HDAC4: variants seen among roughly 807,000 people sequenced by gnomAD.
HDAC4 encodes the protein histone deacetylase A.
HDAC4 carries 16 observed loss-of-function variants against 135.1 expected under a neutral mutation model. That is an observed-to-expected ratio of 0.12 (90% CI 0.08 to 0.18). The LOEUF is 0.18. Ranked by LOEUF, HDAC4 falls within the 10% of genes least tolerant of loss-of-function variation. The probability of loss-of-function intolerance (pLI) is 1.00; values close to 1 mark genes in which losing one functional copy is unlikely to be tolerated. For synonymous variants in HDAC4, 685 were observed against 653.4 expected, an observed-to-expected ratio of 1.05 and a Z score of -0.74; for missense variants, 1,143 against 1,511.8, an observed-to-expected ratio of 0.76 and a Z score of 4.05.
intron 4 of HDAC4, among the ~76,000 whole-genome samples, chr2:239,177,441 G>A (rs147869433): frequency 2.0e-5 from 3 of 152,244 alleles, no homozygotes; most frequent in East Asian, 1.9e-4. Flanking sequence ...AAAAACTAAC[G>A]CACAAGGATG....
At chr2:239,100,058 T>C (rs905163667) in intron 16 of HDAC4, among the ~76,000 whole-genome samples, 3 of 152,174 alleles carry the variant, frequency 2.0e-5, no homozygotes, top group Non-Finnish European at 4.4e-5. Context: ...CCCCATGGAG[T>C]CTGCAGGTGC....
At chr2:239,184,242 A>G (rs186139820) in intron 4 of HDAC4, among the ~76,000 whole-genome samples, 324 of 152,294 alleles carry the variant, frequency 2.1e-3, no homozygotes, top group Admixed American at 7.3e-3. Flanking sequence ...TGCAACCTAC[A>G]TACAAAAGGT....
chr2:239,060,493 C>T (rs141102987), intron 24 of HDAC4, among the ~76,000 whole-genome samples: 5 of 152,210 alleles, frequency 3.3e-5, no homozygotes, highest in African/African-American at 4.8e-5. Context: ...TAGGCAGATG[C>T]GGGGCTGCTC....
Position 239,111,461 on chromosome 2 carries a change from C to A in HDAC4, c.1978+65G>T, listed in dbSNP as rs1011604613. The A allele has an allele frequency of 1.4e-5, 21 of 1,475,946 alleles. No homozygotes were observed. The African/African-American group carries it at 1.8e-4, about 13-fold the overall frequency. The allele number at this position is 1,475,946 out of a possible 1,614,324, so 91.4% of individuals were successfully genotyped here. The stretch of plus-strand genomic sequence containing the variant: ...CTCTGCAGAGCTGGGCCGGGAAGAG[C>A]CCCCCGCGCTGTGCCCACTGTGGCC... On this transcript the variant is annotated intron_variant, in intron 14 of 26. Coordinates refer to ENST00000543185, the MANE Select transcript of HDAC4 (RefSeq NM_001378414.1).
intron 5 of HDAC4, among the ~76,000 whole-genome samples, 178 bp from the exon 6 acceptor site, chr2:239,164,101 G>T (rs2042985689): frequency 6.6e-6 from 1 of 152,052 alleles, no homozygotes; most frequent in African/African-American, 2.4e-5. Flanking sequence ...TTAATGAGAG[G>T]TTTTCTTCCC....
chr2:239,053,576 G>A lies in HDAC4; in HGVS notation c.3114C>T (p.Arg1038=), dbSNP rs756189766. 5.0e-6 allele frequency: 8 copies of A among 1,613,870 alleles called. No homozygotes were observed. Among genetic ancestry groups the A allele is most frequent in the Non-Finnish European group, 6.8e-6 (8 of 1,179,982 alleles). Residue 1038 remains arginine, a synonymous_variant, in exon 26 of 27, where the codon CGC becomes CGT. Transcript: ENST00000543185. ...IHSKYWRCLQ[R]TTSTAGRSLI... The stretch of plus-strand genomic sequence containing the variant: ...GAGAACGCCCCGCTGTGGAGGTTGT[G>A]CGCTGCAGGCAGCGCCAGTACTTGC...
At chr2:239,128,726 G>A (rs1357161349) in intron 11 of HDAC4, among the ~76,000 whole-genome samples, 1 of 152,182 alleles carries the variant, frequency 6.6e-6, no homozygotes, top group Non-Finnish European at 1.5e-5. Context: ...TTTCCTTAGC[G>A]TTGTTTTCCC....
At chr2:239,095,287 A>C (rs1490669262) in intron 16 of HDAC4, among the ~76,000 whole-genome samples, 1 of 152,100 alleles carries the variant, frequency 6.6e-6, no homozygotes, top group Non-Finnish European at 1.5e-5. Context: ...CCTGGTGGGG[A>C]CACCTCAAAT....
chr2:239,365,756 C>T (rs1280828316), intron 1 of HDAC4, among the ~76,000 whole-genome samples: 1 of 151,848 alleles, frequency 6.6e-6, no homozygotes, highest in Non-Finnish European at 1.5e-5. Flanking sequence ...GCACGTGGCA[C>T]TGGGGGACAC....
At chr2:239,386,897 T>G (rs1695847870) in intron 1 of HDAC4, among the ~76,000 whole-genome samples, 1 of 152,110 alleles carries the variant, frequency 6.6e-6, no homozygotes. Context: ...ATGTACCCAT[T>G]TTAGAGAAAC....
At chr2:239,156,286 C>A (rs2042418415) in intron 7 of HDAC4, among the ~76,000 whole-genome samples, 1 of 152,244 alleles carries the variant, frequency 6.6e-6, no homozygotes. Flanking sequence ...GGCTCACCTG[C>A]TCTCAGACGG....
At chr2:239,125,650 T>A (rs1559477608) in intron 12 of HDAC4, among the ~76,000 whole-genome samples, 1 of 152,338 alleles carries the variant, frequency 6.6e-6, no homozygotes, top group East Asian at 1.9e-4. Context: ...TGGACTATGT[T>A]CATAGCAGCT....
At chr2:239,397,302 C>A (rs1696626345) in intron 1 of HDAC4, among the ~76,000 whole-genome samples, 1 of 152,154 alleles carries the variant, frequency 6.6e-6, no homozygotes. Context: ...GAGGTAGAGC[C>A]CACCTGCAGG....
chr2:239,359,543 G>A (rs1367443546), intron 1 of HDAC4, among the ~76,000 whole-genome samples: 1 of 152,240 alleles, frequency 6.6e-6, no homozygotes, highest in African/African-American at 2.4e-5. Flanking sequence ...CGAGATGACA[G>A]AAGCAGCTTG....
chr2:239,188,689 GAAC>G (rs1302503285), intron 4 of HDAC4, among the ~76,000 whole-genome samples: 3 of 152,228 alleles, frequency 2.0e-5, no homozygotes, highest in African/African-American at 4.8e-5. Flanking sequence ...GACTTAGCAT[GAAC>G]AACAACAGCA....
chr2:239,327,072 C>A (rs922160066), intron 2 of HDAC4, among the ~76,000 whole-genome samples: 3 of 152,242 alleles, frequency 2.0e-5, no homozygotes, highest in African/African-American at 7.2e-5. Context: ...GGATGATTCA[C>A]CAACTGCCTT....
intron 1 of HDAC4, among the ~76,000 whole-genome samples, chr2:239,383,236 C>T (rs1036590338): frequency 2.6e-5 from 4 of 152,192 alleles, no homozygotes; most frequent in Admixed American, 1.3e-4. Context: ...CAGGGGGAAT[C>T]CTCCACCATG....
intron 18 of HDAC4, among the ~76,000 whole-genome samples, chr2:239,088,467 C>T (rs192273655): frequency 9.5e-4 from 144 of 152,350 alleles, no homozygotes; most frequent in African/African-American, 3.2e-3. Context: ...TCAGTGCTTC[C>T]GAGTGTAGGC....
intron 2 of HDAC4, among the ~76,000 whole-genome samples, chr2:239,254,574 A>T (rs1399726225): frequency 6.6e-6 from 1 of 152,234 alleles, no homozygotes; most frequent in Non-Finnish European, 1.5e-5. Context: ...CAAATTAGAT[A>T]TAAAGATAAA....
Sources: allele counts gnomAD v4.1 joint callset (sites outside exome capture counted in the v4.1 genomes callset), GRCh38; gene constraint gnomAD v4.1.1; transcripts MANE v1.5; gene names NCBI Gene and HGNC (gene_info 2026-07-23, HGNC 2026-07-21).